The following LMO3 variants were observed in gnomAD, a reference collection of about 807,000 sequenced individuals.
The protein encoded by LMO3 is LIM domain only protein 3.
LMO3 carries 2 observed loss-of-function variants against 15.8 expected under a neutral mutation model. The ratio of observed to expected loss-of-function variants is 0.13; its 90% confidence interval spans 0.05 to 0.40. LMO3 has a LOEUF of 0.40. Ranked by LOEUF, LMO3 falls within the 10% of genes least tolerant of loss-of-function variation. The pLI, the probability that LMO3 is intolerant of heterozygous loss-of-function variation, is 0.99. For synonymous variants in LMO3, 62 were observed against 63.8 expected (o/e 0.97, Z 0.13); for missense variants, 86 against 182.2 (o/e 0.47, Z 3.04).
rs1319229661 is a variant in LMO3, at chr12:16,598,135, T to C, written c.206+2520A>G. 1 of 152,070 alleles carries C rather than the reference T, an allele frequency of 6.6e-6. No individual in the cohort carries two copies. The highest frequency in any genetic ancestry group is 2.4e-5 in the African/African-American group (1 of 41,448). The allele number at this position is 152,070 out of a possible 1,614,324, so 9.4% of individuals were successfully genotyped here. ...GTTGATTTACCATACAGAATCAGACTATTTTAATTTGCCAATCAGAGACAT... is the reference window on the plus strand; with the variant it reads ...GTTGATTTACCATACAGAATCAGACCATTTTAATTTGCCAATCAGAGACAT... On this transcript the variant is annotated intron_variant, in intron 2 of 3. Transcript: ENST00000537304. This position sits in a 1 kb window ranked among gnomAD's most constrained non-coding sequence, Gnocchi z 4.3.
chr12:16,560,327 GT>G lies in LMO3; in HGVS notation c.332+85del. The G allele has an allele frequency of 7.2e-7, 1 of 1,398,276 alleles. No homozygotes were observed. 86.6% of individuals were successfully genotyped at this position (1,398,276 alleles called of 1,614,324 possible). The stretch of plus-strand genomic sequence containing the variant: ...AACGCTGAGATTGATTGCTTTAAAT[GT>G]ATGAATATAATTTCCACCTATTAAA... On this transcript the variant is annotated intron_variant, in intron 3 of 3. Transcript: ENST00000537304. The surrounding 1 kb of genome is among the most constrained non-coding windows in gnomAD (Gnocchi z 5.0).
Position 16,552,106 on chromosome 12 carries a change from T to C in LMO3, c.333-779A>G, listed in dbSNP as rs79833725. 7.8e-3 allele frequency among the ~76,000 whole-genome samples: 1,187 copies of C among 152,174 alleles called. 18 individuals are homozygous for C. The highest frequency in any genetic ancestry group is 0.027 in the African/African-American group (1,137 of 41,566). ...TTGTTTAATGTGCAAGACTGCAATG[T>C]TTTTAATAAGTGTTCTTTCTGTATG... On this transcript the variant is annotated intron_variant, in intron 3 of 3. Transcript: ENST00000537304.
rs1226151601 is a variant in LMO3 at position 16,598,617 on chromosome 12, T to G, written c.206+2038A>C. 1 of 153,784 alleles carries G rather than the reference T, an allele frequency of 6.5e-6. No homozygotes were observed. Among genetic ancestry groups the G allele is most frequent in the Non-Finnish European group, 1.4e-5 (1 of 68,996 alleles). 9.5% of individuals were successfully genotyped at this position (153,784 alleles called of 1,614,324 possible). ...CTACAAAAAGCCACATACACTCTTA[T>G]AGAGATACAAAAACTTCTGATATGA... is the stretch of plus-strand genomic sequence containing the variant. On this transcript the variant is annotated intron_variant, in intron 2 of 3. Transcript: ENST00000537304. The surrounding 1 kb of genome is among the most constrained non-coding windows in gnomAD (Gnocchi z 4.3).
chr12:16,605,393 C>T (rs1943954367), intron 1 of LMO3: 7 of 1,198,856 alleles, frequency 5.8e-6, no homozygotes, highest in Non-Finnish European at 7.3e-6. Flanking sequence ...CACCTTGGTC[C>T]AGGGACCTTC....
intron 1 of LMO3, chr12:16,602,321 A>G (rs964360326): frequency 1.6e-4 from 13 of 79,710 alleles, no homozygotes; most frequent in Non-Finnish European, 5.4e-4. Flanking sequence ...CACAACTTTC[A>G]CAACCTTTTA....
At position 16,597,196 on chromosome 12, in the gene LMO3, G is replaced by A. The variant is rs1943685873; in HGVS notation, c.206+3459C>T. ...GTTCTGGAAAGTGAAAAATTCCACTGTTAAGATTTGATACTTAGTGTACAA... is the reference window on the plus strand; with the variant it reads ...GTTCTGGAAAGTGAAAAATTCCACTATTAAGATTTGATACTTAGTGTACAA... On this transcript the variant is annotated intron_variant, in intron 2 of 3. Coordinates refer to ENST00000537304, the MANE Select transcript of LMO3 (RefSeq NM_018640.5). The surrounding 1 kb of genome is among the most constrained non-coding windows in gnomAD (Gnocchi z 5.0). 2.0e-5 allele frequency among the ~76,000 whole-genome samples: 3 copies of A among 151,462 alleles called. No homozygotes were observed. The highest frequency in any genetic ancestry group is 4.2e-4 in the South Asian group (2 of 4,818).
In LMO3 at chr12:16,586,678, T is replaced by C. The variant is rs1243381048; in HGVS notation, c.206+13977A>G. On this transcript the variant is annotated intron_variant, in intron 2 of 3. Transcript: ENST00000537304. This position sits in a 1 kb window ranked among gnomAD's most constrained non-coding sequence, Gnocchi z 4.3. ...TAAGGCTATACCGTCGGGGTAGAGA[T>C]TTCAAGATACACATCTTTTGACCCC... Among the ~76,000 whole-genome samples the C allele has an allele frequency of 6.6e-6, 1 of 152,130 alleles. No homozygotes were observed. The highest frequency in any genetic ancestry group is 1.5e-5 in the Non-Finnish European group (1 of 68,030).
Position 16,587,788 on chromosome 12 carries a change from C to G in LMO3, c.206+12867G>C, listed in dbSNP as rs1028113986. Among the ~76,000 whole-genome samples the G allele has an allele frequency of 6.6e-6, 1 of 151,704 alleles. No individual in the cohort carries two copies. The highest frequency in any genetic ancestry group is 2.4e-5 in the African/African-American group (1 of 41,376). On this transcript the variant is annotated intron_variant, in intron 2 of 3. Transcript: ENST00000537304. This position sits in a 1 kb window ranked among gnomAD's most constrained non-coding sequence, Gnocchi z 4.3. ...TCTTAGCATTTATCTGTCTAAAAATCTCACTGTGTCCTGAATGGGGGGTTT... is the reference window on the plus strand; with the variant it reads ...TCTTAGCATTTATCTGTCTAAAAATGTCACTGTGTCCTGAATGGGGGGTTT...
At chr12:16,565,983 C>CATATATATATATAT (rs61358392) in intron 2 of LMO3, among the ~76,000 whole-genome samples, 2 of 43,856 alleles carry the variant, frequency 4.6e-5, no homozygotes, top group Non-Finnish European at 8.7e-5. Flanking sequence ...GAAAATGTGC[C>CATATATATATATAT]ATATATATAT....
rs1386766229 is a variant in LMO3, at chr12:16,551,203, A to C, written c.*19T>G. 7.0e-7 allele frequency: 1 copy of C among 1,427,286 alleles called. No homozygotes were observed. The highest frequency in any genetic ancestry group is 9.9e-7 in the Non-Finnish European group (1 of 1,009,672). The allele number at this position is 1,427,286 out of a possible 1,614,324, so 88.4% of individuals were successfully genotyped here. A position where few individuals can be genotyped will look rare whatever the true frequency, so the allele number is the denominator to read the frequency against. On this transcript the variant is annotated 3_prime_UTR_variant, in exon 4 of 4. Coordinates refer to ENST00000537304, the MANE Select transcript of LMO3 (RefSeq NM_018640.5). ...AAGAATGTAGTGCTTTGTATTCTTA[A>C]TGGGGTGATGTTGATAGATCAGCGA...
Position 16,555,376 on chromosome 12 carries a change from A to G in LMO3, c.333-4049T>C, listed in dbSNP as rs995894880. On this transcript the variant is annotated intron_variant, in intron 3 of 3. Coordinates refer to ENST00000537304, the MANE Select transcript of LMO3 (RefSeq NM_018640.5). This position sits in a 1 kb window ranked among gnomAD's most constrained non-coding sequence, Gnocchi z 5.5. ...GTGTATTGTTTATTTTGGTGTTTCA[A>G]AATTTCTCATGAATGTGTAACTGGT... Among the ~76,000 whole-genome samples, 1 of 152,134 alleles carries G rather than the reference A, an allele frequency of 6.6e-6. No homozygotes were observed. The highest frequency in any genetic ancestry group is 2.1e-4 in the South Asian group (1 of 4,832).
At chr12:16,608,710 G>A (rs968100826), upstream of LMO3, 1 of 152,066 alleles carries the variant, frequency 6.6e-6, no homozygotes, top group Non-Finnish European at 1.5e-5. This position sits in a 1 kb window ranked among gnomAD's most constrained non-coding sequence, Gnocchi z 4.1. Context: ...GGAGGAGAGA[G>A]AGAGAGAGAA....
At chr12:16,571,499 A>G (rs1213689414) in intron 2 of LMO3, among the ~76,000 whole-genome samples, 3 of 152,068 alleles carry the variant, frequency 2.0e-5, no homozygotes, top group Non-Finnish European at 4.4e-5. Context: ...TATCTCTAAA[A>G]GCAAGGGTAT....
chr12:16,571,550 C>T (rs1942812421), intron 2 of LMO3, among the ~76,000 whole-genome samples: 1 of 151,928 alleles, frequency 6.6e-6, no homozygotes, highest in Admixed American at 6.6e-5. Context: ...TGGATATAAA[C>T]CTGTTGCCTA....
chr12:16,601,891 C>G (rs1279125832), intron 1 of LMO3: 1 of 152,040 alleles, frequency 6.6e-6, no homozygotes, highest in Admixed American at 6.6e-5. Flanking sequence ...ATTAAAACAC[C>G]CAGCTTTAGC....
At chr12:16,579,171 T>C (rs1943085541) in intron 2 of LMO3, among the ~76,000 whole-genome samples, 1 of 152,156 alleles carries the variant, frequency 6.6e-6, no homozygotes, top group African/African-American at 2.4e-5. Flanking sequence ...TAGCATTAAA[T>C]TGTATATATA....
rs1014668019 is a variant in LMO3, at chr12:16,586,314, A to G, written c.206+14341T>C. On this transcript the variant is annotated intron_variant, in intron 2 of 3. Transcript: ENST00000537304. The surrounding 1 kb of genome is among the most constrained non-coding windows in gnomAD (Gnocchi z 4.3). ...GATGTCATGATACGATGAAGTCCAC[A>G]TACGGAACAACTAAGAAACAACTAA... 2.5e-4 allele frequency among the ~76,000 whole-genome samples: 38 copies of G among 152,218 alleles called. No homozygotes were observed. Among genetic ancestry groups the G allele is most frequent in the African/African-American group, 8.7e-4 (36 of 41,448 alleles).
intron 2 of LMO3, among the ~76,000 whole-genome samples, chr12:16,580,530 G>A (rs1943127237): frequency 6.6e-6 from 1 of 152,166 alleles, no homozygotes; most frequent in East Asian, 1.9e-4. Flanking sequence ...ACCTTTGGAG[G>A]ACTTTTCTGG....
chr12:16,598,359 A>G lies in LMO3; in HGVS notation c.206+2296T>C, dbSNP rs1943720267. The G allele has an allele frequency of 2.0e-5, 3 of 152,134 alleles. No individual in the cohort carries two copies. Among genetic ancestry groups the G allele is most frequent in the African/African-American group, 7.2e-5 (3 of 41,450 alleles). The allele number at this position is 152,134 out of a possible 1,614,324, so 9.4% of individuals were successfully genotyped here. A position where few individuals can be genotyped will look rare whatever the true frequency, so the allele number is the denominator to read the frequency against. On this transcript the variant is annotated intron_variant, in intron 2 of 3. Transcript: ENST00000537304. This position sits in a 1 kb window ranked among gnomAD's most constrained non-coding sequence, Gnocchi z 4.3. ...ATACAACAAACTTTCAGTTTAAATA[A>G]GGGACAAGATTGCTGTTAACAACTT... is the stretch of plus-strand genomic sequence containing the variant.
Sources: allele counts gnomAD v4.1 joint callset (sites outside exome capture counted in the v4.1 genomes callset), GRCh38; gene constraint gnomAD v4.1.1; non-coding constraint Gnocchi (gnomAD v3.1); transcripts MANE v1.5; gene names NCBI Gene and HGNC (gene_info 2026-07-23, HGNC 2026-07-21).